MED27: variants seen among roughly 807,000 people sequenced by gnomAD.
MED27 encodes the protein mediator of RNA polymerase II transcription subunit 27.
MED27 carries 30 observed loss-of-function variants against 38.2 expected under a neutral mutation model. That is an observed-to-expected ratio of 0.79 (90% CI 0.59 to 1.07). MED27 has a LOEUF of 1.07. Ranked by LOEUF, MED27 falls within the 50% of genes least tolerant of loss-of-function variation. The pLI is 0.00. For synonymous variants in MED27, 122 were observed against 153.5 expected (o/e 0.79, Z 1.52); for missense variants, 289 against 397.5 (o/e 0.73, Z 2.32).
intron 2 of MED27, among the ~76,000 whole-genome samples, chr9:132,046,408 TTAGTAATAGG>T (rs1396362984): frequency 3.3e-5 from 5 of 152,136 alleles, no homozygotes; most frequent in South Asian, 4.1e-4. Context: ...GGAAAGCAAT[TTAGTAATAGG>T]TACCAAGAGT....
intron 2 of MED27, among the ~76,000 whole-genome samples, chr9:132,025,006 T>C (rs1832788039): frequency 6.6e-6 from 1 of 152,020 alleles, no homozygotes; most frequent in Admixed American, 6.6e-5. Context: ...ATTGTGATTA[T>C]CTACACACAG....
At chr9:131,882,562 T>TC (rs1564267176) in intron 6 of MED27, among the ~76,000 whole-genome samples, 1 of 152,086 alleles carries the variant, frequency 6.6e-6, no homozygotes, top group Non-Finnish European at 1.5e-5. Context: ...CAAAATCACA[T>TC]CCCCCTCTGT....
At chr9:131,935,530 A>G (rs577214120) in intron 4 of MED27, among the ~76,000 whole-genome samples, 2 of 152,226 alleles carry the variant, frequency 1.3e-5, no homozygotes, top group Non-Finnish European at 2.9e-5. Flanking sequence ...GACAATGATC[A>G]AACTGCCAGA....
chr9:132,038,054 C>T (rs574175008), intron 2 of MED27, among the ~76,000 whole-genome samples: 7 of 152,042 alleles, frequency 4.6e-5, no homozygotes, highest in Admixed American at 2.0e-4. Context: ...TACAGCAGTA[C>T]AAGCTGCTAT....
chr9:132,013,858 T>C (rs1475627094), intron 3 of MED27, among the ~76,000 whole-genome samples: 2 of 152,156 alleles, frequency 1.3e-5, no homozygotes, highest in African/African-American at 4.8e-5. Flanking sequence ...CTATGCAAAT[T>C]ATGTTACCAT....
chr9:132,025,269 C>T (rs1284781386), intron 2 of MED27, among the ~76,000 whole-genome samples: 5 of 151,644 alleles, frequency 3.3e-5, no homozygotes, highest in African/African-American at 1.2e-4. Context: ...CAATCTCTGC[C>T]TCCTGGGTTC....
intron 4 of MED27, among the ~76,000 whole-genome samples, chr9:131,896,317 T>G (rs1829832684): frequency 6.6e-6 from 1 of 152,240 alleles, no homozygotes; most frequent in African/African-American, 2.4e-5. Context: ...TGTTTGTAAC[T>G]GCACATTTTA....
chr9:131,972,397 A>G (rs958917079), intron 3 of MED27, among the ~76,000 whole-genome samples: 1 of 152,206 alleles, frequency 6.6e-6, no homozygotes, highest in South Asian at 2.1e-4. Context: ...AGAGACAGAC[A>G]CATGCAGTTG....
In MED27 at chr9:131,936,186, C is replaced by T. The variant is rs535048862; in HGVS notation, c.573+3195G>A. Among the ~76,000 whole-genome samples the T allele has an allele frequency of 1.0e-3, 154 of 152,012 alleles. 1 individual carries two copies. Among genetic ancestry groups the T allele is most frequent in the African/African-American group, 3.6e-3 (150 of 41,466 alleles). ...AAGAAAGAAAGAAAAAATCACCAGC[C>T]TAGTGCCTGGTAGTCCAAATCTTAC... is the stretch of plus-strand genomic sequence containing the variant. On this transcript the variant is annotated intron_variant, in intron 4 of 7. Transcript: ENST00000292035.
In MED27 at chr9:131,981,890, GT is replaced by G. The variant is rs376500668; in HGVS notation, c.479+32446del. The stretch of plus-strand genomic sequence containing the variant: ...TTTCTTCCTACTTTATTTTGAAGTG[GT>G]AGACAGGGTAAGAAAAGGGACTCCA... On this transcript the variant is annotated intron_variant, in intron 3 of 7. Transcript: ENST00000292035. Among the ~76,000 whole-genome samples, 52 of 152,294 alleles carry G rather than the reference GT, an allele frequency of 3.4e-4. 1 individual carries two copies. The South Asian group carries it at 7.9e-3, about 23-fold the overall frequency.
intron 3 of MED27, among the ~76,000 whole-genome samples, chr9:131,978,294 A>G (rs1463743107): frequency 6.6e-6 from 1 of 152,214 alleles, no homozygotes; most frequent in Non-Finnish European, 1.5e-5. Context: ...ATATATACAT[A>G]CATTTAAAAA....
intron 3 of MED27, among the ~76,000 whole-genome samples, chr9:131,960,373 T>C (rs1273850983): frequency 6.6e-6 from 1 of 152,184 alleles, no homozygotes; most frequent in Non-Finnish European, 1.5e-5. Flanking sequence ...ATGAAGGCTG[T>C]AGCTTGACGC....
rs546954095 is a variant in MED27, at chr9:131,866,952, C to T, written c.724-3812G>A. Among the ~76,000 whole-genome samples the T allele has an allele frequency of 2.0e-4, 31 of 152,344 alleles. No homozygotes were observed. The East Asian group carries it at 2.3e-3, about 11-fold the overall frequency. ...TCCTCCCTGAGTCCTCCCCTCAGCA[C>T]GGGCCTCTGTCCTTTCCCCCTCTCC... On this transcript the variant is annotated intron_variant, in intron 6 of 7. Transcript: ENST00000292035.
intron 3 of MED27, among the ~76,000 whole-genome samples, chr9:132,006,317 C>G (rs963434360): frequency 6.6e-6 from 1 of 152,182 alleles, no homozygotes. Flanking sequence ...GGCAATGAAC[C>G]AGTTTGTATC....
intron 2 of MED27, among the ~76,000 whole-genome samples, chr9:132,019,814 C>A (rs1166759328): frequency 6.6e-6 from 1 of 152,196 alleles, no homozygotes; most frequent in Non-Finnish European, 1.5e-5. Flanking sequence ...CACAGCGATC[C>A]CCCCTGGATG....
intron 3 of MED27, among the ~76,000 whole-genome samples, chr9:131,972,819 G>A (rs565676296): frequency 3.9e-5 from 6 of 152,292 alleles, no homozygotes; most frequent in South Asian, 2.1e-4. Flanking sequence ...AGGCTGACAC[G>A]GGTGGGTCAT....
At chr9:132,017,527 G>T (rs1832630444) in intron 2 of MED27, among the ~76,000 whole-genome samples, 1 of 152,042 alleles carries the variant, frequency 6.6e-6, no homozygotes, top group South Asian at 2.1e-4. Context: ...CCACTAACCG[G>T]GAGGAATAAA....
chr9:132,031,232 G>C (rs1832953070), intron 2 of MED27, among the ~76,000 whole-genome samples: 1 of 152,226 alleles, frequency 6.6e-6, no homozygotes, highest in Non-Finnish European at 1.5e-5. Flanking sequence ...CTGAAAACAG[G>C]TGGATAAATC....
At chr9:132,007,363 T>C (rs536023130) in intron 3 of MED27, among the ~76,000 whole-genome samples, 2 of 152,216 alleles carry the variant, frequency 1.3e-5, no homozygotes, top group Admixed American at 6.5e-5. Flanking sequence ...AAAAATACTA[T>C]TCAGCAATAA....
Sources: allele counts gnomAD v4.1 joint callset (sites outside exome capture counted in the v4.1 genomes callset), GRCh38; gene constraint gnomAD v4.1.1; transcripts MANE v1.5; gene names NCBI Gene and HGNC (gene_info 2026-07-23, HGNC 2026-07-21).